The following SCYGR6 variants were observed in gnomAD, a reference collection of about 807,000 sequenced individuals.
SCYGR6 encodes the protein small cysteine and glycine repeat containing 6, also known as small cysteine and glycine repeat-containing protein 6.
chr2:227,724,473 C>G (rs1696522833), exon 1 of SCYGR6: 1 of 358,410 alleles, frequency 2.8e-6, no homozygotes, highest in African/African-American at 3.1e-5. Flanking sequence ...AGCAGCCCTT[C>G]TGCTGACAGC....
exon 1 of SCYGR6, chr2:227,724,680 A>G (rs369374493): frequency 0.011 from 4,681 of 408,220 alleles, 39 homozygotes; most frequent in South Asian, 0.021. Flanking sequence ...CACCGCAGCC[A>G]CCACCACAGC....
exon 1 of SCYGR6, chr2:227,724,500 A>G (rs568767118): frequency 1.8e-5 from 7 of 396,376 alleles, no homozygotes; most frequent in Admixed American, 4.5e-5. Context: ...TCTGCTGGCA[A>G]CAGCCCTTCC....
exon 1 of SCYGR6, chr2:227,724,673 C>T (rs943053171): frequency 8.3e-5 from 34 of 408,062 alleles, no homozygotes; most frequent in Middle Eastern, 6.1e-4. Context: ...CAGCCACCAC[C>T]GCAGCCACCA....
At position 227,724,713 on chromosome 2, in the gene SCYGR6, GCCACCGCAGCCA is replaced by G. The variant is rs1048825252; in HGVS notation, c.33_44del (p.Gly12_Gly15del). ...AGCCACCACTGCAGCCACCACCGCA[GCCACCGCAGCCA>G]CCACCGCAGCCACCACACCCACAGC... On this transcript the variant is annotated inframe_deletion, in exon 1 of 1. Coordinates refer to ENST00000641918, the Ensembl canonical transcript of SCYGR6. 6.8e-5 allele frequency: 28 copies of G among 410,416 alleles called. No individual in the cohort carries two copies. In the South Asian group the frequency reaches 1.1e-3, roughly 15 times the overall value. 25.4% of individuals were successfully genotyped at this position (410,416 alleles called of 1,614,324 possible). A position where few individuals can be genotyped will look rare whatever the true frequency, so the allele number is the denominator to read the frequency against.
At chr2:227,724,550 G>T (rs539899709) in exon 1 of SCYGR6, 1 of 398,298 alleles carries the variant, frequency 2.5e-6, no homozygotes, top group South Asian at 1.3e-4. Flanking sequence ...CAGGTGCGGC[G>T]GCAGCAACAG....
At chr2:227,724,700 A>G (rs1227015237) in exon 1 of SCYGR6, 2 of 411,476 alleles carry the variant, frequency 4.9e-6, no homozygotes, top group Non-Finnish European at 8.5e-6. Context: ...CCACCACTGC[A>G]GCCACCACCG....
In SCYGR6 at chr2:227,724,710, G is replaced by T. The variant is rs907427609; in HGVS notation, c.48C>A (p.Cys16Ter). Residue 16 changes from cysteine to a stop codon, truncating the protein, a stop_gained, in exon 1 of 1, where the codon TGC becomes TGA. Coordinates refer to ENST00000641918, the Ensembl canonical transcript of SCYGR6. LOFTEE classifies it low-confidence loss of function (END_TRUNC). ...CACAGCCACCACTGCAGCCACCACC[G>T]CAGCCACCGCAGCCACCACCGCAGC... is the stretch of plus-strand genomic sequence containing the variant. The T allele has an allele frequency of 2.4e-6, 1 of 410,452 alleles. No homozygotes were observed. Among genetic ancestry groups the T allele is most frequent in the Non-Finnish European group, 4.2e-6 (1 of 235,586 alleles). The allele number at this position is 410,452 out of a possible 1,614,324, so 25.4% of individuals were successfully genotyped here. A position where few individuals can be genotyped will look rare whatever the true frequency, so the allele number is the denominator to read the frequency against.
In SCYGR6 at chr2:227,724,482, G is replaced by GCCCTTCTGCTGGCAA. The variant is rs1336332533; in HGVS notation, c.275_276insTTGCCAGCAGAAGGG (p.Gln94_Cys98dup). 2,172 of 392,810 alleles carry GCCCTTCTGCTGGCAA rather than the reference G, an allele frequency of 5.5e-3. 69 individuals carry two copies. The East Asian group carries it at 0.064, about 12-fold the overall frequency. The allele number at this position is 392,810 out of a possible 1,614,324, so 24.3% of individuals were successfully genotyped here. A position where few individuals can be genotyped will look rare whatever the true frequency, so the allele number is the denominator to read the frequency against. On this transcript the variant is annotated inframe_insertion, in exon 1 of 1. Transcript: ENST00000641918. ...TCTTGCAGCAGCCCTTCTGCTGACAGCAGCCCTTCTGCTGGCAACAGCCCT... is the reference window on the plus strand; with the variant it reads ...TCTTGCAGCAGCCCTTCTGCTGACAGCCCTTCTGCTGGCAACAGCCCTTCTGCTGGCAACAGCCCT...
In SCYGR6 at chr2:227,724,565, C is replaced by T. The variant is rs374830052; in HGVS notation, c.193G>A (p.Val65Met). ...CAGGTGCGGCGGCAGCAACAGATCA[C>T]GGGCGTGCTGCAGCAGCCTCCACAG... The change falls in exon 1 of 1, where the codon GTG (valine) becomes ATG (methionine). Residue 65 changes from valine (V) to methionine (M), a missense_variant. Val to Met is a conservative substitution (Grantham distance 21). Coordinates refer to ENST00000641918, the Ensembl canonical transcript of SCYGR6. 345 of 399,202 alleles carry T rather than the reference C, an allele frequency of 8.6e-4. 4 individuals are homozygous for T. In the East Asian group the frequency reaches 9.8e-3, roughly 11 times the overall value. 24.7% of individuals were successfully genotyped at this position (399,202 alleles called of 1,614,324 possible).
At chr2:227,724,706 C>T (rs936863799) in exon 1 of SCYGR6, 22 of 408,486 alleles carry the variant, frequency 5.4e-5, no homozygotes, top group Admixed American at 3.5e-4. Context: ...CTGCAGCCAC[C>T]ACCGCAGCCA....
chr2:227,724,730 CGCA>C, exon 1 of SCYGR6: 1 of 411,512 alleles, frequency 2.4e-6, no homozygotes, highest in Non-Finnish European at 4.2e-6. Context: ...CAGCCACCAC[CGCA>C]GCCACCACAC....
Position 227,724,688 on chromosome 2 carries a change from A to G in SCYGR6, c.70T>C (p.Cys24Arg), listed in dbSNP as rs80301005. 84 of 409,744 alleles carry G rather than the reference A, an allele frequency of 2.1e-4. 1 individual carries two copies. The East Asian group carries it at 2.6e-3, about 13-fold the overall frequency. 25.4% of individuals were successfully genotyped at this position (409,744 alleles called of 1,614,324 possible). ...CAGCCACCACCGCAGCCACCACCAC[A>G]GCCACCACTGCAGCCACCACCGCAG... Residue 24 changes from cysteine to arginine, a missense_variant, in exon 1 of 1, where the codon TGT becomes CGT. Cys to Arg is a radical substitution (Grantham distance 180, BLOSUM62 -3). Transcript: ENST00000641918.
Position 227,724,674 on chromosome 2 carries a change from G to GCAGCCACCACCA in SCYGR6, c.72_83dup (p.Gly30_Gly33dup), listed in dbSNP as rs1235181898. The GCAGCCACCACCA allele has an allele frequency of 8.5e-4, 346 of 407,650 alleles. 2 individuals carry two copies. The highest frequency in any genetic ancestry group is 5.5e-3 in the African/African-American group (266 of 48,652). The allele number at this position is 407,650 out of a possible 1,614,324, so 25.3% of individuals were successfully genotyped here. ...TGGTGCAGCTGCCACAGCCACCACC[G>GCAGCCACCACCA]CAGCCACCACCACAGCCACCACTGC... On this transcript the variant is annotated inframe_insertion, in exon 1 of 1. Transcript: ENST00000641918.
chr2:227,724,524 G>A (rs1017370707), exon 1 of SCYGR6: 11 of 397,106 alleles, frequency 2.8e-5, no homozygotes, highest in South Asian at 2.6e-4. Flanking sequence ...AGCCACAGCC[G>A]CAGCCACATG....
chr2:227,724,718 C>T (rs999515469), exon 1 of SCYGR6: 89 of 411,790 alleles, frequency 2.2e-4, no homozygotes, highest in Admixed American at 5.7e-4. Context: ...CCGCAGCCAC[C>T]GCAGCCACCA....
chr2:227,724,698 G>A (rs1038457845), exon 1 of SCYGR6: 29 of 410,350 alleles, frequency 7.1e-5, no homozygotes, highest in East Asian at 1.4e-4. Context: ...AGCCACCACT[G>A]CAGCCACCAC....
Position 227,724,697 on chromosome 2 carries a change from T to TCAGCCACCACCGCAGCCACC in SCYGR6, c.60_61insGGTGGCTGCGGTGGTGGCTG (p.Ser21GlyfsTer7), listed in dbSNP as rs1696530889. 2 of 409,852 alleles carry TCAGCCACCACCGCAGCCACC rather than the reference T, an allele frequency of 4.9e-6. No homozygotes were observed. Among genetic ancestry groups the TCAGCCACCACCGCAGCCACC allele is most frequent in the African/African-American group, 4.2e-5 (2 of 47,768 alleles). 25.4% of individuals were successfully genotyped at this position (409,852 alleles called of 1,614,324 possible). A position where few individuals can be genotyped will look rare whatever the true frequency, so the allele number is the denominator to read the frequency against. On this transcript the variant is annotated frameshift_variant, in exon 1 of 1. Coordinates refer to ENST00000641918, the Ensembl canonical transcript of SCYGR6. LOFTEE classifies it low-confidence loss of function (END_TRUNC). Reference sequence around the variant, plus strand: ...CCGCAGCCACCACCACAGCCACCACTGCAGCCACCACCGCAGCCACCGCAG... The same window carrying TCAGCCACCACCGCAGCCACC: ...CCGCAGCCACCACCACAGCCACCACTCAGCCACCACCGCAGCCACCGCAGCCACCACCGCAGCCACCGCAG...
At position 227,724,692 on chromosome 2, in the gene SCYGR6, ACCACTGCAGCCACCACCGCAG is replaced by A. The variant is rs1696530763; in HGVS notation, c.45_65del (p.Cys16_Gly22del). On this transcript the variant is annotated inframe_deletion, in exon 1 of 1. Transcript: ENST00000641918. Reference sequence around the variant, plus strand: ...CACCACCGCAGCCACCACCACAGCCACCACTGCAGCCACCACCGCAGCCACCGCAGCCACCACCGCAGCCAC... The same window carrying A: ...CACCACCGCAGCCACCACCACAGCCACCACCGCAGCCACCACCGCAGCCAC... 8 of 410,036 alleles carry A rather than the reference ACCACTGCAGCCACCACCGCAG, an allele frequency of 2.0e-5. No homozygotes were observed. In the East Asian group the frequency reaches 2.5e-4, roughly 13 times the overall value. The allele number at this position is 410,036 out of a possible 1,614,324, so 25.4% of individuals were successfully genotyped here. A position where few individuals can be genotyped will look rare whatever the true frequency, so the allele number is the denominator to read the frequency against.
chr2:227,724,479 A>G (rs62191415), exon 1 of SCYGR6: 181,078 of 379,194 alleles, frequency 0.48, 43,526 homozygotes, highest in Non-Finnish European at 0.52. Context: ...CCTTCTGCTG[A>G]CAGCAGCCCT....
Sources: gnomAD v4.1 joint callset for allele counts on GRCh38, gnomAD v4.1.1 for gene constraint, MANE v1.5 for transcripts, NCBI Gene and HGNC (gene_info 2026-07-23, HGNC 2026-07-21) for gene names.